The following TRAPPC9 variants were observed in gnomAD, a reference collection of about 807,000 sequenced individuals.
The protein encoded by TRAPPC9 is IKK2 binding protein.
A neutral mutation model predicts 124.0 loss-of-function variants in TRAPPC9; 83 were observed. The ratio of observed to expected loss-of-function variants is 0.67; its 90% CI spans 0.56 to 0.80. The LOEUF (loss-of-function observed/expected upper bound fraction) is 0.80. Among genes scored for constraint, TRAPPC9 ranks in the 30% least tolerant of loss-of-function variants. TRAPPC9 has a pLI of 0.00. For synonymous variants in TRAPPC9, 638 were observed against 617.5 expected, an observed-to-expected ratio of 1.03 and a Z score of -0.49; for missense variants, 1,302 against 1,508.3, an observed-to-expected ratio of 0.86 and a Z score of 2.27.
chr8:140,044,355 T>G (rs1318491641), intron 17 of TRAPPC9, among the ~76,000 whole-genome samples: 1 of 150,998 alleles, frequency 6.6e-6, no homozygotes, highest in Non-Finnish European at 1.5e-5. Context: ...ATCAATCACC[T>G]CTGGCCACTG....
chr8:140,083,192 C>CA (rs35485579), intron 17 of TRAPPC9, among the ~76,000 whole-genome samples: 114 of 149,552 alleles, frequency 7.6e-4, no homozygotes, highest in African/African-American at 1.8e-3. Flanking sequence ...GACTCCATCT[C>CA]AAAAAAAAAA....
At chr8:139,739,356 G>A (rs531808511) in intron 21 of TRAPPC9, among the ~76,000 whole-genome samples, 6 of 152,344 alleles carry the variant, frequency 3.9e-5, no homozygotes, top group Non-Finnish European at 7.3e-5. Context: ...AGTGTGAGAC[G>A]CTGGTAGGTA....
intron 17 of TRAPPC9, among the ~76,000 whole-genome samples, chr8:140,152,620 G>A (rs993342333): frequency 1.1e-4 from 16 of 151,578 alleles, no homozygotes; most frequent in Non-Finnish European, 1.8e-4. Flanking sequence ...CACCCGCCTC[G>A]GCCTCCCAAA....
intron 19 of TRAPPC9, among the ~76,000 whole-genome samples, chr8:139,980,750 G>A (rs13251519): frequency 0.2 from 30,942 of 152,206 alleles, 3,999 homozygotes; most frequent in African/African-American, 0.38. Context: ...GCTCCAGCCC[G>A]TGCGTGTTCA....
chr8:140,129,990 C>T (rs1185935004), intron 17 of TRAPPC9, among the ~76,000 whole-genome samples: 1 of 152,168 alleles, frequency 6.6e-6, no homozygotes, highest in Non-Finnish European at 1.5e-5. Flanking sequence ...GGAGAGATGA[C>T]TGATTGCAGG....
At chr8:140,172,763 T>C (rs946314889) in intron 17 of TRAPPC9, among the ~76,000 whole-genome samples, 2 of 152,146 alleles carry the variant, frequency 1.3e-5, no homozygotes, top group African/African-American at 4.8e-5. Context: ...TAAAAATAAT[T>C]CTCCTAACCA....
chr8:139,930,331 C>T (rs1182042868), intron 19 of TRAPPC9, among the ~76,000 whole-genome samples: 2 of 152,210 alleles, frequency 1.3e-5, no homozygotes. Context: ...AAGATACAGC[C>T]AAGGTGAGCA....
At position 139,787,614 on chromosome 8, in the gene TRAPPC9, A is replaced by C. The variant is rs145680088; in HGVS notation, c.3056-55412T>G. ...CCAAGCTAAGGACGCTGATATACAC[A>C]GAATTTCTTTCTACATGGTTATTAG... On this transcript the variant is annotated intron_variant, in intron 21 of 22. Coordinates refer to ENST00000438773, the MANE Select transcript of TRAPPC9 (RefSeq NM_001160372.4). 2.6e-3 allele frequency among the ~76,000 whole-genome samples: 397 copies of C among 152,324 alleles called. 3 individuals carry two copies. Among genetic ancestry groups the C allele is most frequent in the African/African-American group, 8.3e-3 (344 of 41,570 alleles).
At chr8:139,734,562 G>A (rs1351172154) in intron 21 of TRAPPC9, among the ~76,000 whole-genome samples, 1 of 152,246 alleles carries the variant, frequency 6.6e-6, no homozygotes, top group Non-Finnish European at 1.5e-5. Context: ...CTGCCCTCCA[G>A]GAAGGCTGGA....
chr8:139,924,968 A>T (rs1380568663), intron 19 of TRAPPC9, among the ~76,000 whole-genome samples: 1 of 152,208 alleles, frequency 6.6e-6, no homozygotes, highest in African/African-American at 2.4e-5. Context: ...CAGAGGGTAG[A>T]GCCAGAGCAG....
intron 17 of TRAPPC9, among the ~76,000 whole-genome samples, chr8:140,219,281 G>A (rs1169497914): frequency 5.3e-5 from 8 of 152,320 alleles, no homozygotes; most frequent in Middle Eastern, 3.4e-3. Context: ...CAGCGCTGCC[G>A]GAGCCTGAAT....
At chr8:139,858,465 C>G (rs1028314275) in intron 21 of TRAPPC9, among the ~76,000 whole-genome samples, 2 of 152,204 alleles carry the variant, frequency 1.3e-5, no homozygotes, top group Non-Finnish European at 1.5e-5. Flanking sequence ...CTCTTCCATG[C>G]CATTTTTATC....
At chr8:140,313,042 G>A (rs2066342480) in intron 9 of TRAPPC9, among the ~76,000 whole-genome samples, 2 of 152,178 alleles carry the variant, frequency 1.3e-5, no homozygotes, top group South Asian at 2.1e-4. Context: ...TTACAGGCAT[G>A]AGCCATCACA....
rs2066696017 is a variant in TRAPPC9, at chr8:140,324,829, G to A, written c.1496-13455C>T. On this transcript the variant is annotated intron_variant, in intron 9 of 22. Transcript: ENST00000438773. The stretch of plus-strand genomic sequence containing the variant: ...GTAAAAGAATAGACAACAATGATAA[G>A]GAAGATTTAAACAAACTATTAAATA... Among the ~76,000 whole-genome samples the A allele has an allele frequency of 2.6e-5, 4 of 151,212 alleles. No individual in the cohort carries two copies. The South Asian group carries it at 8.5e-4, about 32-fold the overall frequency.
At chr8:139,789,214 G>A (rs1423651538) in intron 21 of TRAPPC9, among the ~76,000 whole-genome samples, 3 of 152,122 alleles carry the variant, frequency 2.0e-5, no homozygotes, top group Admixed American at 6.5e-5. Flanking sequence ...CGCCTGCCTC[G>A]GAAGCACACA....
At chr8:140,088,558 G>A (rs866358630) in intron 17 of TRAPPC9, among the ~76,000 whole-genome samples, 1 of 152,222 alleles carries the variant, frequency 6.6e-6, no homozygotes. Flanking sequence ...GCCAGTACTT[G>A]AAGGTGGGGT....
intron 21 of TRAPPC9, among the ~76,000 whole-genome samples, chr8:139,736,699 C>G (rs1022640384): frequency 3.5e-4 from 54 of 152,342 alleles, no homozygotes; most frequent in African/African-American, 1.3e-3. Flanking sequence ...CGGCGATGCT[C>G]GCAGCTGCCT....
At chr8:140,030,465 C>T (rs916843382) in intron 17 of TRAPPC9, among the ~76,000 whole-genome samples, 11 of 152,174 alleles carry the variant, frequency 7.2e-5, no homozygotes, top group South Asian at 2.1e-4. Flanking sequence ...AATCCTCCTA[C>T]GCTTAAACCT....
At position 139,776,380 on chromosome 8, in the gene TRAPPC9, G is replaced by A. The variant is rs76348490; in HGVS notation, c.3056-44178C>T. Among the ~76,000 whole-genome samples, 332 of 152,316 alleles carry A rather than the reference G, an allele frequency of 2.2e-3. No individual in the cohort carries two copies. The highest frequency in any genetic ancestry group is 3.7e-3 in the Non-Finnish European group (254 of 68,024). On this transcript the variant is annotated intron_variant, in intron 21 of 22. Coordinates refer to ENST00000438773, the MANE Select transcript of TRAPPC9 (RefSeq NM_001160372.4). This position sits in a 1 kb window ranked among gnomAD's most constrained non-coding sequence, Gnocchi z 4.1. ...CATAGTATTGATCGGTTTGTCCTCC[G>A]TGACCCAAAGAGAGGTCACAACGAA...
Sources: allele counts gnomAD v4.1 joint callset (sites outside exome capture counted in the v4.1 genomes callset), GRCh38; gene constraint gnomAD v4.1.1; non-coding constraint Gnocchi (gnomAD v3.1); transcripts MANE v1.5; gene names NCBI Gene and HGNC (gene_info 2026-07-23, HGNC 2026-07-21).